DNAI2: variants seen among roughly 807,000 people sequenced by gnomAD.
DNAI2 encodes the protein dynein axonemal intermediate chain 2, also known as dynein, axonemal, intermediate polypeptide 2.
A neutral mutation model predicts 74.7 loss-of-function variants in DNAI2; 63 were observed. That is an observed-to-expected ratio of 0.84 (90% CI 0.69 to 1.04). The LOEUF (loss-of-function observed/expected upper bound fraction) is 1.04. Among genes scored for constraint, DNAI2 ranks in the 50% least tolerant of loss-of-function variants. DNAI2 has a pLI of 0.00. For synonymous variants in DNAI2, 289 were observed against 314.9 expected, an observed-to-expected ratio of 0.92 and a Z score of 0.87; for missense variants, 688 against 803.2, an observed-to-expected ratio of 0.86 and a Z score of 1.73.
chr17:74,281,636 AT>A (rs759577580), intron 1 of DNAI2, 170 bp from the exon 2 acceptor site: 163 of 611,182 alleles, frequency 2.7e-4, no homozygotes, highest in South Asian at 4.1e-4. Context: ...GGCACTCAGG[AT>A]TTTTTTTTAA....
intron 8 of DNAI2, among the ~76,000 whole-genome samples, chr17:74,304,217 T>G (rs1455472343): frequency 6.2e-5 from 7 of 113,462 alleles, no homozygotes; most frequent in South Asian, 3.1e-4. Flanking sequence ...TTTTTTGAGG[T>G]AGGGCCTTGC....
At chr17:74,278,081 CCTGAA>C (rs1171841021) in intron 1 of DNAI2, among the ~76,000 whole-genome samples, 3 of 152,118 alleles carry the variant, frequency 2.0e-5, no homozygotes, top group Non-Finnish European at 4.4e-5. Flanking sequence ...GGTGGTTCTG[CCTGAA>C]CTGAAGAACT....
rs2053124377 is a variant in DNAI2 at position 74,305,359 on chromosome 17, C to T, written c.1128C>T (p.Tyr376=). The change falls in exon 9 of 14, where the codon TAC becomes TAT. Residue 376 remains tyrosine (Y), a synonymous_variant. Transcript: ENST00000311014. The part of the protein sequence containing the change: ...PIYALQRNPF[Y]PKNFLTVGDW... The stretch of plus-strand genomic sequence containing the variant: ...ACGCCCTCCAGAGAAACCCCTTCTA[C>T]CCGAAGAACTTCCTGACGGTTGGCG... 11 of 1,614,076 alleles carry T rather than the reference C, an allele frequency of 6.8e-6. No individual in the cohort carries two copies. The highest frequency in any genetic ancestry group is 3.3e-5 in the Admixed American group (2 of 60,004).
chr17:74,291,044 C>G lies in DNAI2; in HGVS notation c.635C>G (p.Ala212Gly). 6.2e-7 allele frequency: 1 copy of G among 1,614,230 alleles called. No homozygotes were observed. Among genetic ancestry groups the G allele is most frequent in the Non-Finnish European group, 8.5e-7 (1 of 1,180,038 alleles). ...DLENPNKPELALKPSSPLVTL... is the reference protein window; with the variant it reads ...DLENPNKPELGLKPSSPLVTL... Reference sequence around the variant, plus strand: ...GAAAACCCCAACAAGCCTGAACTTGCTCTGAAGCCATCGTCTCCACTCGTG... The same window carrying G: ...GAAAACCCCAACAAGCCTGAACTTGGTCTGAAGCCATCGTCTCCACTCGTG... Residue 212 changes from alanine (A) to glycine (G), a missense_variant, in exon 6 of 14, where the codon GCT becomes GGT. Ala to Gly is a moderately conservative substitution (Grantham distance 60, BLOSUM62 0). Coordinates refer to ENST00000311014, the MANE Select transcript of DNAI2 (RefSeq NM_023036.6).
At chr17:74,276,554 T>C (rs377618720) in intron 1 of DNAI2, among the ~76,000 whole-genome samples, 8 of 152,204 alleles carry the variant, frequency 5.3e-5, no homozygotes, top group Admixed American at 3.3e-4. Flanking sequence ...TTGCTATTCA[T>C]CTGTGTGCCC....
intron 9 of DNAI2, 144 bp from the exon 10 acceptor site, chr17:74,309,109 C>A (rs2053354680): frequency 2.4e-6 from 2 of 823,708 alleles, no homozygotes; most frequent in Non-Finnish European, 3.9e-6. Flanking sequence ...TGAGTGAGGT[C>A]AGCACAGCTA....
intron 9 of DNAI2, among the ~76,000 whole-genome samples, chr17:74,307,567 G>A (rs1213488087): frequency 2.0e-5 from 3 of 152,082 alleles, no homozygotes; most frequent in Admixed American, 2.0e-4. Flanking sequence ...ACTTTGGGAG[G>A]CCGAGGCGGG....
intron 10 of DNAI2, 115 bp downstream of exon 10, chr17:74,309,503 G>T: frequency 4.1e-6 from 6 of 1,453,494 alleles, no homozygotes; most frequent in Non-Finnish European, 5.7e-6. Flanking sequence ...GTGTGTTTGG[G>T]CCTCTGTGGG....
At chr17:74,275,628 G>A (rs910116168) in intron 1 of DNAI2, among the ~76,000 whole-genome samples, 2 of 152,108 alleles carry the variant, frequency 1.3e-5, no homozygotes, top group Admixed American at 1.3e-4. Context: ...TCGGCAGGTG[G>A]AGGCAGAAGA....
In DNAI2 at chr17:74,299,858, G is replaced by T. The variant is rs1177965342; in HGVS notation, c.864+1G>T. On this transcript the variant is annotated splice_donor_variant, in intron 7 of 13. Transcript: ENST00000311014. LOFTEE classifies it high-confidence loss of function. The stretch of plus-strand genomic sequence containing the variant: ...CTTCTCAGCTTCCACGGATGGGCAG[G>T]TACCCACCAGCCAGACACTGGAGAG... 2 of 1,613,408 alleles carry T rather than the reference G, an allele frequency of 1.2e-6. No homozygotes were observed. The highest frequency in any genetic ancestry group is 1.7e-6 in the Non-Finnish European group (2 of 1,179,994).
chr17:74,310,204 C>T, intron 11 of DNAI2, 41 bp downstream of exon 11: 1 of 1,604,968 alleles, frequency 6.2e-7, no homozygotes, highest in Non-Finnish European at 8.5e-7. Context: ...CCAGCACGTC[C>T]CGACCTGGCC....
At chr17:74,307,144 G>C (rs1054338773) in intron 9 of DNAI2, 202 of 434,862 alleles carry the variant, frequency 4.6e-4, no homozygotes, top group Non-Finnish European at 8.3e-5. Flanking sequence ...ATAGCAAGTA[G>C]GGGGTTCCCA....
chr17:74,314,108 T>TGCAACACCAACA lies in DNAI2; in HGVS notation c.1723-13_1723-12insGCAACACCAACA, dbSNP rs765740532. ...TACCAACACCAACACTTCTGTGCTG[T>TGCAACACCAACA]CTTCCCCTGCAGCAGCAACCAAGTC... On this transcript the variant is annotated splice_polypyrimidine_tract_variant and intron_variant, in intron 12 of 13. Transcript: ENST00000311014. 1.2e-6 allele frequency: 2 copies of TGCAACACCAACA among 1,613,906 alleles called. No homozygotes were observed. The highest frequency in any genetic ancestry group is 2.7e-5 in the African/African-American group (2 of 74,914).
At chr17:74,285,605 T>C (rs2051672604) in intron 3 of DNAI2, among the ~76,000 whole-genome samples, 1 of 150,928 alleles carries the variant, frequency 6.6e-6, no homozygotes, top group African/African-American at 2.4e-5. Context: ...AAAAAAAAAA[T>C]TGTTTTAAGG....
chr17:74,308,188 G>A (rs762607200), intron 9 of DNAI2, among the ~76,000 whole-genome samples: 4 of 152,178 alleles, frequency 2.6e-5, no homozygotes, highest in Non-Finnish European at 5.9e-5. Flanking sequence ...AGTGTAGTCT[G>A]CCTTGCTCAC....
intron 7 of DNAI2, 79 bp downstream of exon 7, chr17:74,299,936 G>T: frequency 6.3e-7 from 1 of 1,590,522 alleles, no homozygotes; most frequent in Non-Finnish European, 8.6e-7. Flanking sequence ...CAGAACCCCT[G>T]GGGACATTTC....
intron 6 of DNAI2, among the ~76,000 whole-genome samples, chr17:74,296,316 A>AGAGAGAGAGAGAG (rs2052422334): frequency 1.0e-5 from 1 of 97,668 alleles, no homozygotes; most frequent in Non-Finnish European, 2.5e-5. Flanking sequence ...CTTTAAAGAG[A>AGAGAGAGAGAGAG]GAGAGAGAGA....
chr17:74,292,118 G>A (rs2143961262), intron 6 of DNAI2, among the ~76,000 whole-genome samples: 1 of 152,270 alleles, frequency 6.6e-6, no homozygotes, highest in East Asian at 1.9e-4. Flanking sequence ...TCCCTCCTTG[G>A]CCTTCCAAAG....
chr17:74,313,528 G>T (rs189192906), intron 12 of DNAI2, among the ~76,000 whole-genome samples: 2 of 152,072 alleles, frequency 1.3e-5, no homozygotes, highest in East Asian at 3.9e-4. Flanking sequence ...CTTTTACAAC[G>T]CAATGGTGGC....
Sources: allele counts gnomAD v4.1 joint callset (sites outside exome capture counted in the v4.1 genomes callset), GRCh38; gene constraint gnomAD v4.1.1; transcripts MANE v1.5; gene names NCBI Gene and HGNC (gene_info 2026-07-23, HGNC 2026-07-21).